Variants in NTM observed in about 807,000 individuals in gnomAD.
The protein encoded by NTM is IgLON family member 2.
Under a neutral mutation model 42.1 loss-of-function variants are expected in NTM, and 13 were observed. That is an observed-to-expected ratio of 0.31 (90% CI 0.20 to 0.49). The LOEUF is 0.49. Among genes scored for constraint, NTM ranks in the 20% least tolerant of loss-of-function variants. The pLI is 0.99. For missense variants in NTM, 373 were observed against 452.8 expected (o/e 0.82, Z 1.60); for synonymous variants, 187 against 179.2 (o/e 1.04, Z -0.35).
chr11:132,315,769 C>T lies in NTM; in HGVS notation c.934+1066C>T, dbSNP rs140894276. On this transcript the variant is annotated intron_variant, in intron 7 of 8. Coordinates refer to ENST00000683400, the MANE Select transcript of NTM (RefSeq NM_001352005.2). ...CCATTACATCCTCCTGCATTCTACC[C>T]GGCACAAATAGTAAATCCCAGCTTT... 4.4e-4 allele frequency among the ~76,000 whole-genome samples: 67 copies of T among 152,166 alleles called. 1 individual carries two copies. The Middle Eastern group carries it at 0.017, about 39-fold the overall frequency.
At chr11:132,315,280 A>T (rs2095398594) in intron 7 of NTM, among the ~76,000 whole-genome samples, 1 of 152,192 alleles carries the variant, frequency 6.6e-6, no homozygotes, top group Non-Finnish European at 1.5e-5. Context: ...TGGCTACTGT[A>T]TTGATATCAG....
chr11:131,500,123 C>T (rs1043439353), intron 1 of NTM, among the ~76,000 whole-genome samples: 1 of 152,206 alleles, frequency 6.6e-6, no homozygotes, highest in African/African-American at 2.4e-5. Flanking sequence ...ACATCAGTGG[C>T]CACGGGCTCC....
intron 1 of NTM, among the ~76,000 whole-genome samples, chr11:131,898,907 C>A (rs1026836332): frequency 2.0e-5 from 3 of 152,150 alleles, no homozygotes; most frequent in African/African-American, 7.2e-5. Flanking sequence ...CAGGCTCATG[C>A]ATGATCTATT....
At chr11:131,931,815 A>G (rs1592967824) in intron 2 of NTM, among the ~76,000 whole-genome samples, 1 of 152,046 alleles carries the variant, frequency 6.6e-6, no homozygotes, top group Non-Finnish European at 1.5e-5. Flanking sequence ...TGGTGGCGGG[A>G]AGGGGCCTGC....
At chr11:131,672,468 A>G (rs1295566280) in intron 1 of NTM, among the ~76,000 whole-genome samples, 1 of 152,148 alleles carries the variant, frequency 6.6e-6, no homozygotes, top group Non-Finnish European at 1.5e-5. Context: ...ACCGCATCAG[A>G]CACCCCGACA....
intron 2 of NTM, among the ~76,000 whole-genome samples, chr11:132,081,528 C>G (rs1427709794): frequency 1.3e-5 from 2 of 151,840 alleles, no homozygotes; most frequent in African/African-American, 4.8e-5. Context: ...GTCAGGAGAT[C>G]GAGACCATCC....
At chr11:132,180,215 G>C (rs1250545105) in intron 3 of NTM, among the ~76,000 whole-genome samples, 8 of 152,090 alleles carry the variant, frequency 5.3e-5, no homozygotes, top group Non-Finnish European at 1.0e-4. Context: ...AAAGATGAAA[G>C]AGAAAAAGAA....
chr11:131,418,347 C>T (rs369659841), intron 1 of NTM, among the ~76,000 whole-genome samples: 23 of 152,234 alleles, frequency 1.5e-4, no homozygotes, highest in East Asian at 5.8e-4. Flanking sequence ...ACAGCTTTAT[C>T]GGCATGTCTG....
At chr11:132,159,823 C>T (rs557900151) in intron 3 of NTM, among the ~76,000 whole-genome samples, 2 of 152,296 alleles carry the variant, frequency 1.3e-5, no homozygotes, top group South Asian at 2.1e-4. Context: ...TGGAGCCCAG[C>T]GAGCTAAGGC....
At chr11:132,266,905 A>G (rs1191182698) in intron 4 of NTM, among the ~76,000 whole-genome samples, 1 of 152,208 alleles carries the variant, frequency 6.6e-6, no homozygotes, top group African/African-American at 2.4e-5. Context: ...TAAATGTTTT[A>G]TTTGAAACCA....
chr11:132,251,069 C>T (rs1448435325), intron 4 of NTM, among the ~76,000 whole-genome samples: 1 of 152,216 alleles, frequency 6.6e-6, no homozygotes, highest in East Asian at 1.9e-4. Context: ...TTAAGGGTGT[C>T]TAATTTCTGA....
rs189550789 is a variant in NTM at position 131,989,703 on chromosome 11, A to T, written c.167+78055A>T. Among the ~76,000 whole-genome samples the T allele has an allele frequency of 3.4e-3, 475 of 140,660 alleles. 3 individuals are homozygous for T. Among genetic ancestry groups the T allele is most frequent in the African/African-American group, 9.8e-3 (361 of 36,768 alleles). 92.3% of individuals were successfully genotyped at this position (140,660 alleles called of 152,430 possible). A position where few individuals can be genotyped will look rare whatever the true frequency, so the allele number is the denominator to read the frequency against. ...ACAAAGGTGAGTTATATACACATGC[A>T]TATTTAGATACATGCACACACACAC... On this transcript the variant is annotated intron_variant, in intron 2 of 8. Transcript: ENST00000683400.
chr11:132,214,932 A>G (rs1049988776), intron 4 of NTM, among the ~76,000 whole-genome samples: 3 of 152,234 alleles, frequency 2.0e-5, no homozygotes, highest in Non-Finnish European at 4.4e-5. Flanking sequence ...CATGCCAAGC[A>G]ATAACTAATC....
At chr11:131,725,217 A>C (rs975927031) in intron 1 of NTM, among the ~76,000 whole-genome samples, 1 of 152,326 alleles carries the variant, frequency 6.6e-6, no homozygotes, top group African/African-American at 2.4e-5. Context: ...CATTCAACAA[A>C]TATTTATTGG....
chr11:131,676,733 A>G (rs1565409946), intron 1 of NTM, among the ~76,000 whole-genome samples: 1 of 143,042 alleles, frequency 7.0e-6, no homozygotes, highest in South Asian at 2.1e-4. Context: ...AAAATGTAAT[A>G]AAAGTAGTGT....
At chr11:131,789,607 G>GA (rs1321998067) in intron 1 of NTM, among the ~76,000 whole-genome samples, 4 of 81,426 alleles carry the variant, frequency 4.9e-5, no homozygotes, top group South Asian at 3.5e-4. Flanking sequence ...AGAAGAAGAA[G>GA]AAGAAGAAGA....
chr11:132,107,224 A>C (rs2062493348), intron 2 of NTM, among the ~76,000 whole-genome samples: 2 of 152,214 alleles, frequency 1.3e-5, no homozygotes, highest in African/African-American at 2.4e-5. Context: ...TTTCCAGTCA[A>C]GTCAGTTTCA....
intron 1 of NTM, among the ~76,000 whole-genome samples, chr11:131,699,805 C>T (rs970139246): frequency 1.3e-5 from 2 of 152,022 alleles, no homozygotes; most frequent in African/African-American, 4.8e-5. Flanking sequence ...ATTAAATTAC[C>T]TCCCACCAGG....
chr11:131,572,973 C>T (rs2057589922), intron 1 of NTM, among the ~76,000 whole-genome samples: 1 of 152,150 alleles, frequency 6.6e-6, no homozygotes, highest in African/African-American at 2.4e-5. Context: ...CCTGCAGCCT[C>T]CAGAGCCAGC....
Sources: allele counts gnomAD v4.1 joint callset (sites outside exome capture counted in the v4.1 genomes callset), GRCh38; gene constraint gnomAD v4.1.1; transcripts MANE v1.5; gene names NCBI Gene and HGNC (gene_info 2026-07-23, HGNC 2026-07-21).